HPGD: variants seen among roughly 807,000 people sequenced by gnomAD.
The protein encoded by HPGD is 15-hydroxyprostaglandin dehydrogenase [NAD(+)].
In HPGD, 29 loss-of-function variants were observed where a neutral mutation model predicts 30.0. The ratio of observed to expected loss-of-function variants is 0.97; its 90% CI spans 0.72 to 1.32. The LOEUF is 1.32. Among genes scored for constraint, HPGD ranks in the 40% most tolerant of loss-of-function variants. HPGD has a pLI of 0.00. For synonymous variants in HPGD, 99 were observed against 112.4 expected (o/e 0.88, Z 0.75); for missense variants, 340 against 322.1 (o/e 1.06, Z -0.43).
intron 5 of HPGD, chr4:174,495,231 G>T (rs1579271377): frequency 1.1e-5 from 4 of 353,046 alleles, no homozygotes; most frequent in South Asian, 2.7e-5. Flanking sequence ...ATTGCATCTT[G>T]CATTTCAGAA....
chr4:174,513,047 G>A (rs1025035361), intron 3 of HPGD, among the ~76,000 whole-genome samples: 3 of 152,054 alleles, frequency 2.0e-5, no homozygotes, highest in South Asian at 2.1e-4. Context: ...GTTTCTTTAC[G>A]TTAGCTGTAA....
chr4:174,495,653 G>A, intron 4 of HPGD, 29 bp from the exon 5 acceptor site: 2 of 1,520,766 alleles, frequency 1.3e-6, no homozygotes, highest in Admixed American at 1.7e-5. Flanking sequence ...ACATTTAAAT[G>A]CTTTGATGAA....
intron 5 of HPGD, chr4:174,495,305 A>G: frequency 1.9e-6 from 1 of 537,534 alleles, no homozygotes; most frequent in South Asian, 2.1e-5. Flanking sequence ...TCTCCCCATT[A>G]CTTATCCTTA....
intron 4 of HPGD, among the ~76,000 whole-genome samples, chr4:174,506,398 C>T (rs1435398381): frequency 1.3e-5 from 2 of 152,108 alleles, no homozygotes; most frequent in South Asian, 2.1e-4. Context: ...TTTTACTTTT[C>T]TGTTAGGCTG....
intron 4 of HPGD, 85 bp from the exon 5 acceptor site, chr4:174,495,709 T>C (rs1292812967): frequency 5.5e-6 from 5 of 911,400 alleles, no homozygotes; most frequent in African/African-American, 4.9e-5. Context: ...AATGAATATT[T>C]TGTGATAATT....
rs142237506 is a variant in HPGD at position 174,493,288 on chromosome 4, A to G, written c.525T>C (p.Gly175=). 6.8e-5 allele frequency: 110 copies of G among 1,613,136 alleles called. No individual in the cohort carries two copies. Among genetic ancestry groups the G allele is most frequent in the Non-Finnish European group, 8.9e-5 (105 of 1,179,370 alleles). Reference sequence around the variant, plus strand: ...CTGGACAAATGGCATTCAGTCTCACACCACTGTTCATAAGATTAGCAGCCA... The same window carrying G: ...CTGGACAAATGGCATTCAGTCTCACGCCACTGTTCATAAGATTAGCAGCCA... ...AALAANLMNS[G]VRLNAICPGF... The change falls in exon 6 of 7, where the codon GGT becomes GGC. Residue 175 remains glycine, a synonymous_variant. Coordinates refer to ENST00000296522, the MANE Select transcript of HPGD (RefSeq NM_000860.6).
In HPGD at chr4:174,520,246, C is replaced by A. The variant is rs544814447; in HGVS notation, c.217+1698G>T. Among the ~76,000 whole-genome samples the A allele has an allele frequency of 2.0e-5, 3 of 152,252 alleles. No homozygotes were observed. The East Asian group carries it at 5.8e-4, about 29-fold the overall frequency. On this transcript the variant is annotated intron_variant, in intron 2 of 6. Coordinates refer to ENST00000296522, the MANE Select transcript of HPGD (RefSeq NM_000860.6). ...TTGTTTTCTGACATCCCATTGAATT[C>A]CAGGCTCAAGCAACAGACAGTCTAC... is the stretch of plus-strand genomic sequence containing the variant.
Position 174,492,002 on chromosome 4 carries a change from T to C in HPGD, c.755A>G (p.His252Arg), listed in dbSNP as rs776380746. ...TGGAGTTGTATCATAGTCTTGAAAA[T>C]GAATTCCCTTAGAAGTTGTGATCTT... is the stretch of plus-strand genomic sequence containing the variant. ...IMKITTSKGIHFQDYDTTPFQ... is the reference protein window; with the variant it reads ...IMKITTSKGIRFQDYDTTPFQ... Residue 252 changes from histidine to arginine, a missense_variant, in exon 7 of 7, where the codon CAT (histidine) becomes CGT (arginine). His to Arg is a conservative substitution (Grantham distance 29). Coordinates refer to ENST00000296522, the MANE Select transcript of HPGD (RefSeq NM_000860.6). The surrounding 1 kb of genome is among the most constrained non-coding windows in gnomAD (Gnocchi z 4.9). 5 of 1,611,500 alleles carry C rather than the reference T, an allele frequency of 3.1e-6. No individual in the cohort carries two copies. Among genetic ancestry groups the C allele is most frequent in the African/African-American group, 1.3e-5 (1 of 74,838 alleles).
intron 4 of HPGD, 36 bp downstream of exon 4, chr4:174,508,660 A>G (rs1735303484): frequency 8.5e-7 from 1 of 1,172,308 alleles, no homozygotes. Context: ...ATTACCAGTA[A>G]GAAAATGTTA....
intron 4 of HPGD, among the ~76,000 whole-genome samples, chr4:174,498,635 T>C (rs1158897628): frequency 6.6e-6 from 1 of 152,232 alleles, no homozygotes; most frequent in African/African-American, 2.4e-5. Flanking sequence ...GATAGCTGTT[T>C]TGAGATTCAT....
At position 174,490,951 on chromosome 4, in the gene HPGD, C is replaced by T. The variant is rs1227472161; in HGVS notation, c.*1005G>A. 6.6e-6 allele frequency: 1 copy of T among 152,274 alleles called. No homozygotes were observed. The highest frequency in any genetic ancestry group is 1.9e-4 in the East Asian group (1 of 5,326). The allele number at this position is 152,274 out of a possible 1,614,324, so 9.4% of individuals were successfully genotyped here. ...TGACAACAAAAAAAGCAAAACCTCACAGCTATTTTTATGTCTGTGTTGTTA... is the reference window on the plus strand; with the variant it reads ...TGACAACAAAAAAAGCAAAACCTCATAGCTATTTTTATGTCTGTGTTGTTA... On this transcript the variant is annotated 3_prime_UTR_variant, in exon 7 of 7. Coordinates refer to ENST00000296522, the MANE Select transcript of HPGD (RefSeq NM_000860.6). This position sits in a 1 kb window ranked among gnomAD's most constrained non-coding sequence, Gnocchi z 4.4.
intron 4 of HPGD, among the ~76,000 whole-genome samples, chr4:174,505,731 C>T (rs772668694): frequency 5.3e-5 from 8 of 151,962 alleles, no homozygotes; most frequent in Non-Finnish European, 1.0e-4. Flanking sequence ...CCAGTGGCAA[C>T]GAGGAAACAG....
chr4:174,508,243 T>G, intron 4 of HPGD: 1 of 648,294 alleles, frequency 1.5e-6, no homozygotes, highest in Middle Eastern at 2.4e-4. Context: ...TTATACTACA[T>G]GTAAGTTTGG....
intron 4 of HPGD, chr4:174,508,045 G>A: frequency 1.5e-6 from 1 of 688,176 alleles, no homozygotes; most frequent in East Asian, 2.7e-5. Context: ...GAGTAGCCAT[G>A]CCTCCTCCAT....
chr4:174,494,433 A>G lies in HPGD; in HGVS notation c.498+1115T>C, dbSNP rs975877640. ...ACCATGCATACTGAGAATTGACTGT[A>G]GAAGTTTCCAGTCTTGTAATTTTAA... On this transcript the variant is annotated intron_variant, in intron 5 of 6. Coordinates refer to ENST00000296522, the MANE Select transcript of HPGD (RefSeq NM_000860.6). The surrounding 1 kb of genome is among the most constrained non-coding windows in gnomAD (Gnocchi z 4.9). 1.2e-4 allele frequency among the ~76,000 whole-genome samples: 18 copies of G among 152,198 alleles called. No homozygotes were observed. Among genetic ancestry groups the G allele is most frequent in the African/African-American group, 4.3e-4 (18 of 41,446 alleles).
At chr4:174,497,891 CTCTT>C (rs967830990) in intron 4 of HPGD, among the ~76,000 whole-genome samples, 3 of 145,940 alleles carry the variant, frequency 2.1e-5, no homozygotes, top group African/African-American at 7.6e-5. Context: ...TTCTCTCTCT[CTCTT>C]TCTCTCTCTC....
At position 174,496,240 on chromosome 4, in the gene HPGD, T is replaced by C. The variant is rs1185605200; in HGVS notation, c.422-616A>G. Among the ~76,000 whole-genome samples the C allele has an allele frequency of 6.6e-6, 1 of 152,236 alleles. No individual in the cohort carries two copies. ...GACTTAGGAAGATAGAAATAAACATTTGTGGTCCTATTTTATTTCCTTTCA... is the reference window on the plus strand; with the variant it reads ...GACTTAGGAAGATAGAAATAAACATCTGTGGTCCTATTTTATTTCCTTTCA... On this transcript the variant is annotated intron_variant, in intron 4 of 6. Transcript: ENST00000296522. This position sits in a 1 kb window ranked among gnomAD's most constrained non-coding sequence, Gnocchi z 4.6.
Position 174,493,416 on chromosome 4 carries a change from T to C in HPGD, c.499-102A>G, listed in dbSNP as rs1734439547. ...TACAATTTTCTGATGTAAAAAATAC[T>C]AATTAGATATCCTCCCAGCTATGTA... On this transcript the variant is annotated intron_variant, in intron 5 of 6. Coordinates refer to ENST00000296522, the MANE Select transcript of HPGD (RefSeq NM_000860.6). 4 of 1,042,166 alleles carry C rather than the reference T, an allele frequency of 3.8e-6. No individual in the cohort carries two copies. The East Asian group carries it at 9.7e-5, about 25-fold the overall frequency. 64.6% of individuals were successfully genotyped at this position (1,042,166 alleles called of 1,614,324 possible). A position where few individuals can be genotyped will look rare whatever the true frequency, so the allele number is the denominator to read the frequency against.
intron 3 of HPGD, among the ~76,000 whole-genome samples, chr4:174,511,460 ACTGTAAGTTCCACAT>A (rs1306619197): frequency 6.6e-6 from 1 of 152,176 alleles, no homozygotes; most frequent in African/African-American, 2.4e-5. Context: ...TCAAAATTAG[ACTGTAAGTTCCACAT>A]CAGTGGGGAT....
Sources: allele counts gnomAD v4.1 joint callset (sites outside exome capture counted in the v4.1 genomes callset), GRCh38; gene constraint gnomAD v4.1.1; non-coding constraint Gnocchi (gnomAD v3.1); transcripts MANE v1.5; gene names NCBI Gene and HGNC (gene_info 2026-07-23, HGNC 2026-07-21).